The following PCDH19 variants were observed in gnomAD, a reference collection of about 807,000 sequenced individuals.
PCDH19 encodes protocadherin 19, also known as protocadherin-19.
In PCDH19, 6 loss-of-function variants were observed where a neutral mutation model predicts 46.2. The observed-to-expected ratio is 0.13, with a 90% CI of 0.07 to 0.26. The LOEUF (loss-of-function observed/expected upper bound fraction) is 0.26, where lower values mean the gene tolerates loss of function less well. Ranked by LOEUF, PCDH19 falls within the 10% of genes least tolerant of loss-of-function variation. PCDH19 has a pLI of 1.00. For synonymous variants in PCDH19, 481 were observed against 415.7 expected, an observed-to-expected ratio of 1.16 and a Z score of -1.91; for missense variants, 740 against 972.3, an observed-to-expected ratio of 0.76 and a Z score of 3.18.
chrX:100,313,662 A>C (rs1448676089), intron 5 of PCDH19, among the ~76,000 whole-genome samples: 2 of 111,579 alleles, frequency 1.8e-5, no homozygotes, highest in African/African-American at 3.3e-5. Flanking sequence ...AACAGCGCCT[A>C]GCTGTAGAGC....
chrX:100,296,210 T>G lies in PCDH19; in HGVS notation c.*67A>C. On this transcript the variant is annotated 3_prime_UTR_variant, in exon 6 of 6. Coordinates refer to ENST00000373034, the MANE Select transcript of PCDH19 (RefSeq NM_001184880.2). ...CAAGAACCAACCATTGGTGAGCAAT[T>G]AAAACAAGAAGCTCCTGCTTCTTCA... The G allele has an allele frequency of 1.1e-6, 1 of 901,117 alleles. No homozygotes were observed. 74.3% of individuals were successfully genotyped at this position (901,117 alleles called of 1,213,427 possible).
Position 100,296,612 on chromosome X carries a change from T to C in PCDH19, c.3112A>G (p.Thr1038Ala). 1 of 1,211,457 alleles carries C rather than the reference T, an allele frequency of 8.3e-7. No individual in the cohort carries two copies. Reference protein sequence around the residue: ...EERPTLKGKRTVDVTICSPKV... With the variant: ...EERPTLKGKRAVDVTICSPKV... ...GGGCTGCAGATGGTCACATCGACAGTCCTCTTGCCTTTCAGGGTAGGCCTC... is the reference window on the plus strand; with the variant it reads ...GGGCTGCAGATGGTCACATCGACAGCCCTCTTGCCTTTCAGGGTAGGCCTC... Residue 1038 changes from threonine (T) to alanine (A), a missense_variant, in exon 6 of 6, where the codon ACT (threonine) becomes GCT (alanine). By Grantham distance (58) the Thr-to-Ala change is moderately conservative. Coordinates refer to ENST00000373034, the MANE Select transcript of PCDH19 (RefSeq NM_001184880.2).
chrX:100,335,447 T>C (rs773569052), intron 5 of PCDH19, among the ~76,000 whole-genome samples: 1 of 111,292 alleles, frequency 9.0e-6, no homozygotes, highest in Non-Finnish European at 1.9e-5. Flanking sequence ...AAAAAAAATG[T>C]TTACCAATGT....
intron 5 of PCDH19, among the ~76,000 whole-genome samples, chrX:100,320,748 A>G (rs1303316928): frequency 9.0e-6 from 1 of 111,192 alleles, no homozygotes; most frequent in Non-Finnish European, 1.9e-5. Flanking sequence ...GCATTTCATC[A>G]GCATTTTTTT....
At chrX:100,362,442 T>C (rs1416155202) in intron 3 of PCDH19, among the ~76,000 whole-genome samples, 9 of 110,386 alleles carry the variant, frequency 8.2e-5, no homozygotes, top group African/African-American at 3.0e-4. Context: ...TGATGTACCT[T>C]TGTGTATAGG....
chrX:100,297,202 C>T (rs747327258), intron 5 of PCDH19, among the ~76,000 whole-genome samples: 1 of 111,534 alleles, frequency 9.0e-6, no homozygotes, highest in African/African-American at 3.3e-5. Flanking sequence ...ATCAACAACT[C>T]CTGCTAAAAA....
chrX:100,399,631 T>C (rs5967129), intron 3 of PCDH19, among the ~76,000 whole-genome samples: 9,282 of 110,982 alleles, frequency 0.084, 461 homozygotes, highest in African/African-American at 0.17. Context: ...ACGCAGGGCA[T>C]TGTGACTGAT....
chrX:100,388,300 TAAAC>T (rs941095192), intron 3 of PCDH19, among the ~76,000 whole-genome samples: 1 of 109,730 alleles, frequency 9.1e-6, no homozygotes, highest in African/African-American at 3.3e-5. Context: ...GTATTATAGT[TAAAC>T]AATTGGAATA....
chrX:100,407,220 C>T lies in PCDH19; in HGVS notation c.1378G>A (p.Val460Ile). 1 of 1,211,509 alleles carries T rather than the reference C, an allele frequency of 8.3e-7. No individual in the cohort carries two copies. The highest frequency in any genetic ancestry group is 1.1e-6 in the Non-Finnish European group (1 of 895,456). Reference sequence around the variant, plus strand: ...GGCGTGTTGTTCTCCTGCACAATGACCTGGTAGTAGGGCTTGGAAAAGTGC... The same window carrying T: ...GGCGTGTTGTTCTCCTGCACAATGATCTGGTAGTAGGGCTTGGAAAAGTGC... ...HPHFSKPYYQ[V>I]IVQENNTPGA... Residue 460 changes from valine (V) to isoleucine (I), a missense_variant, in exon 1 of 6, where the codon GTC becomes ATC. Physicochemically the swap from Val to Ile is conservative, Grantham distance 29. Around this residue, in one of 5 missense-constraint regions of PCDH19, gnomAD observed 186 missense variants for 319.9 expected, o/e 0.58. Transcript: ENST00000373034.
intron 3 of PCDH19, among the ~76,000 whole-genome samples, chrX:100,368,980 C>T (rs774010294): frequency 9.2e-4 from 103 of 111,517 alleles, no homozygotes; most frequent in African/African-American, 3.2e-3. Context: ...TGACCTCTCC[C>T]TAGGTGATCT....
chrX:100,315,935 T>C (rs113428456), intron 5 of PCDH19, among the ~76,000 whole-genome samples: 3 of 111,671 alleles, frequency 2.7e-5, no homozygotes, highest in African/African-American at 9.8e-5. Context: ...CCGACTACAG[T>C]TGAATATGAT....
At chrX:100,404,979 C>A (rs191178058) in intron 1 of PCDH19, among the ~76,000 whole-genome samples, 260 of 112,345 alleles carry the variant, frequency 2.3e-3, no homozygotes, top group Non-Finnish European at 4.3e-3. Flanking sequence ...AAAGTCATGG[C>A]CATTTCACTA....
At chrX:100,314,223 G>C (rs770235697) in intron 5 of PCDH19, among the ~76,000 whole-genome samples, 2 of 111,653 alleles carry the variant, frequency 1.8e-5, no homozygotes, top group Non-Finnish European at 3.8e-5. Context: ...TCTGAACACA[G>C]TGCTTGAGAA....
intron 4 of PCDH19, 32 bp from the exon 5 acceptor site, chrX:100,342,107 C>T (rs770878428): frequency 6.0e-6 from 7 of 1,162,891 alleles, no homozygotes; most frequent in Non-Finnish European, 8.2e-6. Context: ...AATTTACGAC[C>T]GTGACAGATC....
chrX:100,360,338 G>A (rs559418577), intron 3 of PCDH19, among the ~76,000 whole-genome samples: 2 of 112,384 alleles, frequency 1.8e-5, no homozygotes, highest in African/African-American at 6.5e-5. Context: ...TCAAGTGATA[G>A]ACCATCTTGG....
At chrX:100,318,724 G>C (rs912491545) in intron 5 of PCDH19, among the ~76,000 whole-genome samples, 9 of 111,483 alleles carry the variant, frequency 8.1e-5, no homozygotes, top group African/African-American at 2.9e-4. Context: ...GGAAAGACTG[G>C]GAATGCAGGG....
Position 100,296,355 on chromosome X carries a change from A to G in PCDH19, c.3369T>C (p.His1123=), listed in dbSNP as rs747207429. The change falls in exon 6 of 6, where the codon CAT becomes CAC. Residue 1123 remains histidine (H), a synonymous_variant. Coordinates refer to ENST00000373034, the MANE Select transcript of PCDH19 (RefSeq NM_001184880.2). Reference sequence around the variant, plus strand: ...CTTCCTTCAGAATGGGGCTGACCTCATGCATGACTTTCTCGCTATCAGCTC... The same window carrying G: ...CTTCCTTCAGAATGGGGCTGACCTCGTGCATGACTTTCTCGCTATCAGCTC... The part of the protein sequence containing the change: ...PRGADSEKVM[H]EVSPILKEGR... The G allele has an allele frequency of 1.7e-6, 2 of 1,211,584 alleles. No homozygotes were observed. Among genetic ancestry groups the G allele is most frequent in the Admixed American group, 2.2e-5 (1 of 46,040 alleles).
intron 5 of PCDH19, among the ~76,000 whole-genome samples, chrX:100,333,009 AAAAG>A (rs1458002877): frequency 2.8e-5 from 3 of 106,067 alleles, no homozygotes; most frequent in African/African-American, 6.9e-5. Flanking sequence ...TCAAAAAAAG[AAAAG>A]AAAGAAAGAA....
chrX:100,292,664 G>C lies in PCDH19; in HGVS notation c.*3613C>G, dbSNP rs1373539958. 9.0e-6 allele frequency: 1 copy of C among 111,602 alleles called. No individual in the cohort carries two copies. The highest frequency in any genetic ancestry group is 1.9e-5 in the Non-Finnish European group (1 of 53,101). The allele number at this position is 111,602 out of a possible 1,213,427, so 9.2% of individuals were successfully genotyped here. ...TACTTTGTTACATACTTAAACTAAA[G>C]AACAACATCTCAATACACTTCAGTG... On this transcript the variant is annotated 3_prime_UTR_variant, in exon 6 of 6. Transcript: ENST00000373034.
Sources: allele counts gnomAD v4.1 joint callset (sites outside exome capture counted in the v4.1 genomes callset), GRCh38; gene constraint gnomAD v4.1.1; regional missense constraint gnomAD v4.1.1; transcripts MANE v1.5; gene names NCBI Gene and HGNC (gene_info 2026-07-23, HGNC 2026-07-21).